Variants in SUCLG2 observed in about 807,000 individuals in gnomAD.
SUCLG2 encodes succinate--CoA ligase [GDP-forming] subunit beta, mitochondrial.
SUCLG2 carries 42 observed loss-of-function variants against 47.9 expected under a neutral mutation model. The ratio of observed to expected loss-of-function variants is 0.88; its 90% CI spans 0.69 to 1.14. SUCLG2 has a LOEUF of 1.14. SUCLG2 is among the 50% of genes most tolerant of loss of function. The pLI, the probability that SUCLG2 is intolerant of heterozygous loss-of-function variation, is 0.00. For synonymous variants in SUCLG2, 195 were observed against 197.3 expected, an observed-to-expected ratio of 0.99 and a Z score of 0.10; for missense variants, 571 against 525.9, an observed-to-expected ratio of 1.09 and a Z score of -0.84.
intron 1 of SUCLG2, among the ~76,000 whole-genome samples, chr3:67,641,297 A>T (rs567409997): frequency 9.2e-5 from 14 of 152,346 alleles, no homozygotes; most frequent in Non-Finnish European, 1.5e-4. Context: ...TTGGAAAACA[A>T]GTGCTGGAAG....
At chr3:67,413,908 G>T (rs981196642) in intron 9 of SUCLG2, among the ~76,000 whole-genome samples, 10 of 152,114 alleles carry the variant, frequency 6.6e-5, no homozygotes, top group African/African-American at 1.9e-4. Context: ...ATGTTTCTCA[G>T]TGTGGGTTTA....
At chr3:67,426,881 C>G (rs771502394) in intron 9 of SUCLG2, among the ~76,000 whole-genome samples, 4 of 152,066 alleles carry the variant, frequency 2.6e-5, no homozygotes, top group Non-Finnish European at 5.9e-5. Flanking sequence ...GAGCTGAGAT[C>G]TTGCCACTGC....
chr3:67,518,226 A>AT, intron 6 of SUCLG2, 21 bp downstream of exon 6: 1 of 1,586,958 alleles, frequency 6.3e-7, no homozygotes. Context: ...CAGACACACC[A>AT]TCCCCCAATG....
chr3:67,555,022 C>T (rs1707120567), intron 2 of SUCLG2, among the ~76,000 whole-genome samples: 1 of 152,114 alleles, frequency 6.6e-6, no homozygotes, highest in South Asian at 2.1e-4. Flanking sequence ...TATCTGACAG[C>T]ACCCCAAAAC....
intron 2 of SUCLG2, 23 bp from the exon 3 acceptor site, chr3:67,529,209 TG>T (rs1439888177): frequency 2.5e-6 from 4 of 1,572,612 alleles, no homozygotes; most frequent in Admixed American, 1.9e-5. Flanking sequence ...AATCCAGAGT[TG>T]GTAGCTGATT....
chr3:67,628,677 G>A (rs193080440), intron 1 of SUCLG2, among the ~76,000 whole-genome samples: 23 of 152,276 alleles, frequency 1.5e-4, no homozygotes, highest in Admixed American at 4.6e-4. Flanking sequence ...GTTTTATAAA[G>A]GAGAGTTCCC....
chr3:67,425,045 A>G (rs1703263574), intron 9 of SUCLG2, among the ~76,000 whole-genome samples: 1 of 151,462 alleles, frequency 6.6e-6, no homozygotes, highest in African/African-American at 2.4e-5. Flanking sequence ...CCACACCTTT[A>G]GCCAGAGAAT....
At chr3:67,566,080 A>G (rs541855248) in intron 2 of SUCLG2, among the ~76,000 whole-genome samples, 2 of 152,332 alleles carry the variant, frequency 1.3e-5, no homozygotes, top group Admixed American at 6.5e-5. Context: ...ACACCTGTCC[A>G]CTTAAGACAA....
intron 9 of SUCLG2, among the ~76,000 whole-genome samples, chr3:67,441,691 A>T (rs1323385064): frequency 6.6e-6 from 1 of 152,236 alleles, no homozygotes; most frequent in Non-Finnish European, 1.5e-5. Flanking sequence ...TAACATATAC[A>T]GTAATCTACC....
In SUCLG2 at chr3:67,362,297, T is replaced by TA. The variant is rs574963121; in HGVS notation, c.1184-1530dup. Among the ~76,000 whole-genome samples, 160 of 152,180 alleles carry TA rather than the reference T, an allele frequency of 1.1e-3. 2 individuals carry two copies. The South Asian group carries it at 0.033, about 31-fold the overall frequency. On this transcript the variant is annotated intron_variant, in intron 10 of 10. Coordinates refer to the SUCLG2 transcript ENST00000493112. ...TCTCCCTCTGCCTGGAGCTGTCTCTTATGCGTCTCCCCTGGCCCCTTACGT... is the reference window on the plus strand; with the variant it reads ...TCTCCCTCTGCCTGGAGCTGTCTCTTAATGCGTCTCCCCTGGCCCCTTACGT...
At chr3:67,460,098 T>C (rs1704295044) in intron 9 of SUCLG2, among the ~76,000 whole-genome samples, 1 of 152,196 alleles carries the variant, frequency 6.6e-6, no homozygotes, top group African/African-American at 2.4e-5. Context: ...GTTGAGATTC[T>C]ACTATTAAGG....
chr3:67,613,272 C>T (rs529886550), intron 1 of SUCLG2, among the ~76,000 whole-genome samples: 12 of 152,242 alleles, frequency 7.9e-5, no homozygotes, highest in African/African-American at 2.2e-4. Flanking sequence ...CCTGAAGCTA[C>T]CTAGTGGACT....
At chr3:67,517,937 G>T (rs1461723304) in intron 6 of SUCLG2, among the ~76,000 whole-genome samples, 1 of 152,096 alleles carries the variant, frequency 6.6e-6, no homozygotes, top group Non-Finnish European at 1.5e-5. Context: ...TGTATCACAT[G>T]CCTGCCAGGT....
intron 1 of SUCLG2, among the ~76,000 whole-genome samples, chr3:67,612,597 C>T (rs564670090): frequency 6.6e-6 from 1 of 152,194 alleles, no homozygotes; most frequent in Admixed American, 6.5e-5. Context: ...TTAAAACAAT[C>T]AGGAAATGTC....
intron 2 of SUCLG2, among the ~76,000 whole-genome samples, chr3:67,584,456 T>C (rs1575796146): frequency 6.6e-6 from 1 of 152,220 alleles, no homozygotes; most frequent in East Asian, 1.9e-4. Context: ...TGGACTACAG[T>C]GATGGTTATA....
intron 9 of SUCLG2, among the ~76,000 whole-genome samples, chr3:67,422,484 A>AAAAAAAAAAAAAAAAAAAAAAAAAAC (rs1703188842): frequency 7.0e-6 from 1 of 143,118 alleles, no homozygotes; most frequent in Non-Finnish European, 1.5e-5. Context: ...AAAAAAAAAA[A>AAAAAAAAAAAAAAAAAAAAAAAAAAC]AAAAAAAAAA....
chr3:67,646,913 G>C (rs770526623), intron 1 of SUCLG2, among the ~76,000 whole-genome samples: 5 of 152,122 alleles, frequency 3.3e-5, no homozygotes. Flanking sequence ...CCACTTCACT[G>C]TCTAAAACCC....
At chr3:67,416,025 G>C (rs182939458) in intron 9 of SUCLG2, among the ~76,000 whole-genome samples, 1 of 152,160 alleles carries the variant, frequency 6.6e-6, no homozygotes, top group Non-Finnish European at 1.5e-5. Flanking sequence ...AAGGCCTCAG[G>C]CCTCCTACCA....
intron 1 of SUCLG2, among the ~76,000 whole-genome samples, chr3:67,626,913 C>CAAAAAA (rs35290770): frequency 1.4e-4 from 6 of 42,090 alleles, no homozygotes; most frequent in African/African-American, 2.1e-4. Flanking sequence ...GACTCCGTCT[C>CAAAAAA]AAAAAAAAAA....
Sources: allele counts gnomAD v4.1 joint callset (sites outside exome capture counted in the v4.1 genomes callset), GRCh38; gene constraint gnomAD v4.1.1; transcripts MANE v1.5; gene names NCBI Gene and HGNC (gene_info 2026-07-23, HGNC 2026-07-21).